Variants in FHIT observed in about 807,000 individuals in gnomAD.
FHIT encodes bis(5'-adenosyl)-triphosphatase.
Under a neutral mutation model 17.9 loss-of-function variants are expected in FHIT, and 19 were observed. The ratio of observed to expected loss-of-function variants is 1.06; its 90% CI spans 0.74 to 1.56. The LOEUF (loss-of-function observed/expected upper bound fraction) is 1.56, where lower values mean the gene tolerates loss of function less well. Ranked by LOEUF, FHIT falls within the 40% of genes most tolerant of loss-of-function variation. FHIT has a pLI of 0.00. For missense variants in FHIT, 248 were observed against 189.2 expected (o/e 1.31, Z -1.82); for synonymous variants, 81 against 69.7 (o/e 1.16, Z -0.81).
At chr3:60,070,154 G>A (rs1011007439) in intron 5 of FHIT, among the ~76,000 whole-genome samples, 4 of 152,114 alleles carry the variant, frequency 2.6e-5, no homozygotes, top group Non-Finnish European at 5.9e-5. Context: ...CACCTGGAGT[G>A]CCCTGGGTCC....
At chr3:60,111,780 C>A (rs1281786083) in intron 5 of FHIT, among the ~76,000 whole-genome samples, 1 of 152,180 alleles carries the variant, frequency 6.6e-6, no homozygotes, top group Non-Finnish European at 1.5e-5. Flanking sequence ...CCTACCTCAG[C>A]TTTGTATCCA....
At chr3:60,986,632 T>A (rs1184531456) in intron 3 of FHIT, among the ~76,000 whole-genome samples, 1 of 152,194 alleles carries the variant, frequency 6.6e-6, no homozygotes, top group Non-Finnish European at 1.5e-5. Flanking sequence ...GCCCCCCAGT[T>A]ATTTCTCATT....
chr3:61,152,697 T>G (rs2037428276), intron 2 of FHIT, among the ~76,000 whole-genome samples: 1 of 152,112 alleles, frequency 6.6e-6, no homozygotes, highest in African/African-American at 2.4e-5. Flanking sequence ...TTAAAAGCAA[T>G]GAAAAGCCAC....
intron 7 of FHIT, among the ~76,000 whole-genome samples, chr3:59,989,640 C>A (rs1214975729): frequency 6.6e-6 from 1 of 152,046 alleles, no homozygotes; most frequent in East Asian, 1.9e-4. Context: ...AGGAAGAGAG[C>A]AGATCTCATT....
intron 5 of FHIT, among the ~76,000 whole-genome samples, chr3:60,395,524 C>G (rs903486205): frequency 1.3e-5 from 2 of 152,114 alleles, no homozygotes; most frequent in Middle Eastern, 3.4e-3. Context: ...TCTAAGAAGT[C>G]GAGAGACAAA....
At chr3:60,545,456 T>C (rs2036329679) in intron 4 of FHIT, among the ~76,000 whole-genome samples, 1 of 152,222 alleles carries the variant, frequency 6.6e-6, no homozygotes, top group South Asian at 2.1e-4. Context: ...CTTGGGCTTA[T>C]AGGATTCCAG....
intron 5 of FHIT, among the ~76,000 whole-genome samples, chr3:60,239,616 G>A (rs1000028522): frequency 6.6e-6 from 1 of 151,972 alleles, no homozygotes; most frequent in African/African-American, 2.4e-5. Flanking sequence ...AAGTGAAGAG[G>A]CTTTAGAGTT....
chr3:60,604,201 GTAGAGAGAAAACA>G (rs2038534744), intron 4 of FHIT, among the ~76,000 whole-genome samples: 1 of 152,128 alleles, frequency 6.6e-6, no homozygotes, highest in African/African-American at 2.4e-5. Context: ...CTGGCCTTGT[GTAGAGAGAAAACA>G]TAAAGAGAAA....
chr3:60,542,638 A>G (rs2036222316), intron 4 of FHIT, among the ~76,000 whole-genome samples: 1 of 152,052 alleles, frequency 6.6e-6, no homozygotes, highest in Non-Finnish European at 1.5e-5. Flanking sequence ...CTAATTTTGT[A>G]GAGTCCCTTG....
chr3:60,261,366 C>T lies in FHIT; in HGVS notation c.104-247214G>A, dbSNP rs762267211. 5.2e-4 allele frequency among the ~76,000 whole-genome samples: 79 copies of T among 151,852 alleles called. 1 individual carries two copies. The highest frequency in any genetic ancestry group is 2.2e-4 in the Non-Finnish European group (15 of 67,956). ...ACATCCTACCTAAGATGGTACCAAT[C>T]GCAAGGAACGTATTAATTTCAGAGA... On this transcript the variant is annotated intron_variant, in intron 5 of 9. Coordinates refer to ENST00000492590, the MANE Select transcript of FHIT (RefSeq NM_002012.4).
chr3:60,770,036 G>A (rs1699988756), intron 4 of FHIT, among the ~76,000 whole-genome samples: 1 of 152,194 alleles, frequency 6.6e-6, no homozygotes, highest in African/African-American at 2.4e-5. Context: ...GTTGGGAAAT[G>A]AAGTTCCTGC....
chr3:59,894,867 C>G (rs1704001541), intron 8 of FHIT, among the ~76,000 whole-genome samples: 1 of 152,216 alleles, frequency 6.6e-6, no homozygotes, highest in Non-Finnish European at 1.5e-5. Flanking sequence ...CAAGTGCTAC[C>G]AGCTGCTTTC....
chr3:60,270,418 C>T (rs900593301), intron 5 of FHIT, among the ~76,000 whole-genome samples: 1 of 152,156 alleles, frequency 6.6e-6, no homozygotes, highest in Non-Finnish European at 1.5e-5. Flanking sequence ...AAACAGATTC[C>T]ACATTTTCAC....
At chr3:60,783,166 A>G (rs1314327101) in intron 4 of FHIT, among the ~76,000 whole-genome samples, 2 of 151,326 alleles carry the variant, frequency 1.3e-5, no homozygotes, top group Non-Finnish European at 2.9e-5. Flanking sequence ...TTTTTTTTGT[A>G]GAAACAGTTT....
At chr3:60,983,225 G>A (rs927831280) in intron 3 of FHIT, among the ~76,000 whole-genome samples, 1 of 151,798 alleles carries the variant, frequency 6.6e-6, no homozygotes, top group South Asian at 2.1e-4. Flanking sequence ...ACAGCCTGAG[G>A]CAAAATCTTA....
intron 4 of FHIT, among the ~76,000 whole-genome samples, chr3:60,569,755 A>ACATATATATATATATATATTTTTT (rs1553654910): frequency 1.3e-5 from 1 of 77,344 alleles, no homozygotes; most frequent in Non-Finnish European, 2.3e-5. Flanking sequence ...ATATATATAT[A>ACATATATATATATATATATTTTTT]TTTTTTTTTT....
chr3:60,257,725 T>A (rs1706074287), intron 5 of FHIT, among the ~76,000 whole-genome samples: 1 of 152,184 alleles, frequency 6.6e-6, no homozygotes, highest in South Asian at 2.1e-4. Context: ...TAAAAAGGAA[T>A]GAGATCATGT....
intron 5 of FHIT, among the ~76,000 whole-genome samples, chr3:60,087,268 T>C (rs1280611049): frequency 3.3e-5 from 5 of 152,196 alleles, no homozygotes; most frequent in South Asian, 2.1e-4. Flanking sequence ...CCTCTGGGCC[T>C]ATGATAGGAG....
intron 4 of FHIT, among the ~76,000 whole-genome samples, chr3:60,660,729 C>CTTTTTTTTTTTTTTTTTT: frequency 0.022 from 832 of 37,244 alleles, 207 homozygotes; most frequent in Middle Eastern, 0.079. Context: ...TTATTGTGCT[C>CTTTTTTTTTTTTTTTTTT]TTTTTTTTTT....
Sources: gnomAD v4.1 joint callset for allele counts (sites outside exome capture counted in the v4.1 genomes callset) on GRCh38, gnomAD v4.1.1 for gene constraint, MANE v1.5 for transcripts, NCBI Gene and HGNC (gene_info 2026-07-23, HGNC 2026-07-21) for gene names.